C9orf85: variants seen among roughly 807,000 people sequenced by gnomAD.
C9orf85 encodes the protein chromosome 9 open reading frame 85.
Under a neutral mutation model 14.9 loss-of-function variants are expected in C9orf85, and 16 were observed. The ratio of observed to expected loss-of-function variants is 1.08; its 90% CI spans 0.73 to 1.63. The LOEUF (loss-of-function observed/expected upper bound fraction) is 1.63. Ranked by LOEUF, C9orf85 falls within the 40% of genes most tolerant of loss-of-function variation. The pLI is 0.00. For missense variants in C9orf85, 172 were observed against 186.1 expected, an observed-to-expected ratio of 0.92 and a Z score of 0.44; for synonymous variants, 45 against 56.8, an observed-to-expected ratio of 0.79 and a Z score of 0.93.
intron 2 of C9orf85, among the ~76,000 whole-genome samples, chr9:71,970,908 C>T (rs1361620338): frequency 6.6e-6 from 1 of 151,720 alleles, no homozygotes; most frequent in Admixed American, 6.6e-5. Flanking sequence ...GGCATGCCAC[C>T]ACACCCAGCT....
At chr9:71,923,362 G>A (rs529947319) in intron 1 of C9orf85, among the ~76,000 whole-genome samples, 1 of 152,090 alleles carries the variant, frequency 6.6e-6, no homozygotes, top group East Asian at 1.9e-4. Flanking sequence ...TCCGCCTCCT[G>A]GGTTCAAGTG....
chr9:71,940,787 C>T (rs917205038), intron 1 of C9orf85, among the ~76,000 whole-genome samples: 4 of 152,138 alleles, frequency 2.6e-5, no homozygotes, highest in Non-Finnish European at 4.4e-5. Flanking sequence ...TTTATTAGCA[C>T]TCCAAACTAG....
At chr9:71,971,445 A>G in intron 2 of C9orf85, 60 bp from the exon 3 acceptor site, 1 of 1,052,278 alleles carries the variant, frequency 9.5e-7, no homozygotes, top group Non-Finnish European at 1.4e-6. Context: ...GACACATCTT[A>G]TTTTATCAAA....
At position 71,911,782 on chromosome 9, in the gene C9orf85, C is replaced by A; in HGVS notation, c.48C>A (p.His16Gln). The change falls in exon 1 of 4, where the codon CAC (histidine) becomes CAA (glutamine). Residue 16 changes from histidine to glutamine, a missense_variant. His to Gln is a conservative substitution (Grantham distance 24, BLOSUM62 0). Transcript: ENST00000334731. ...GNVARSRPQK[H>Q]QNTFSFKNDK... ...TGGCTCGTTCCAGACCTCAGAAGCA[C>A]CAGAATACGTTTAGCTTCAAAAATG... 1 of 1,614,098 alleles carries A rather than the reference C, an allele frequency of 6.2e-7. No homozygotes were observed. The highest frequency in any genetic ancestry group is 8.5e-7 in the Non-Finnish European group (1 of 1,180,018).
intron 3 of C9orf85, among the ~76,000 whole-genome samples, chr9:71,971,847 G>T (rs138848634): frequency 6.6e-6 from 1 of 151,912 alleles, no homozygotes; most frequent in Non-Finnish European, 1.5e-5. Flanking sequence ...AGTGGCAGGC[G>T]CCTGTAATCC....
At position 71,954,939 on chromosome 9, in the gene C9orf85, C is replaced by G. The variant is rs1822345138; in HGVS notation, c.209+7827C>G. Among the ~76,000 whole-genome samples, 4 of 152,170 alleles carry G rather than the reference C, an allele frequency of 2.6e-5. No homozygotes were observed. The South Asian group carries it at 8.3e-4, about 32-fold the overall frequency. ...TAACCGTGTGCTTGCTCCCTCTTTG[C>G]TACAAAGCTTTCTTGTAACTAAATT... On this transcript the variant is annotated intron_variant, in intron 2 of 3. Coordinates refer to ENST00000334731, the MANE Select transcript of C9orf85 (RefSeq NM_182505.5).
chr9:71,949,927 C>G (rs1341190656), intron 2 of C9orf85, among the ~76,000 whole-genome samples: 2 of 152,112 alleles, frequency 1.3e-5, no homozygotes, highest in African/African-American at 4.8e-5. Context: ...AGGGGTGGAT[C>G]AGAGAGTCCT....
At chr9:71,954,114 G>GA (rs566793068) in intron 2 of C9orf85, among the ~76,000 whole-genome samples, 116,616 of 130,106 alleles carry the variant, frequency 0.9, 53,528 homozygotes, top group East Asian at 0.99. Context: ...CCCCAGCTTG[G>GA]AAAAAAAAAA....
chr9:71,964,207 T>G (rs1822617543), intron 2 of C9orf85, among the ~76,000 whole-genome samples: 1 of 152,050 alleles, frequency 6.6e-6, no homozygotes, highest in African/African-American at 2.4e-5. Context: ...TGTGTCTAGC[T>G]TAGGGATTGT....
chr9:71,984,826 G>A (rs978432615), downstream of C9orf85: 1 of 152,230 alleles, frequency 6.6e-6, no homozygotes, highest in Admixed American at 6.5e-5. Context: ...TTGTGTTATA[G>A]GAGAGATGTG....
intron 1 of C9orf85, among the ~76,000 whole-genome samples, chr9:71,938,924 T>C (rs920993957): frequency 6.6e-6 from 1 of 151,694 alleles, no homozygotes; most frequent in Non-Finnish European, 1.5e-5. Flanking sequence ...AAGACATGCT[T>C]TGAAAGTATA....
intron 1 of C9orf85, chr9:71,918,492 C>T: frequency 7.8e-7 from 1 of 1,283,740 alleles, no homozygotes; most frequent in Non-Finnish European, 1.0e-6. Context: ...TCCCCAGCCC[C>T]CGACCCCCGC....
chr9:71,949,077 C>A (rs1287906619), intron 2 of C9orf85, among the ~76,000 whole-genome samples: 1 of 152,152 alleles, frequency 6.6e-6, no homozygotes, highest in Admixed American at 6.5e-5. Flanking sequence ...AGGCCTCATA[C>A]AAGATTTGTA....
chr9:71,939,961 G>A (rs948978175), intron 1 of C9orf85, among the ~76,000 whole-genome samples: 2 of 152,122 alleles, frequency 1.3e-5, no homozygotes, highest in Non-Finnish European at 2.9e-5. Flanking sequence ...AATGTAAAAT[G>A]TAAAATTACT....
At chr9:71,927,068 C>T (rs1589248938) in intron 1 of C9orf85, among the ~76,000 whole-genome samples, 1 of 151,730 alleles carries the variant, frequency 6.6e-6, no homozygotes, top group East Asian at 1.9e-4. Flanking sequence ...AAATTGCTAC[C>T]CTCTTTCAGA....
intron 2 of C9orf85, among the ~76,000 whole-genome samples, chr9:71,949,930 A>G (rs554211695): frequency 7.2e-5 from 11 of 152,276 alleles, no homozygotes; most frequent in African/African-American, 1.7e-4. Flanking sequence ...GGTGGATCAG[A>G]GAGTCCTTCC....
rs1411406007 is a variant in C9orf85 at position 71,973,116 on chromosome 9, G to C, written c.*274G>C. The C allele has an allele frequency of 5.8e-6, 1 of 173,460 alleles. No individual in the cohort carries two copies. The highest frequency in any genetic ancestry group is 1.2e-5 in the Non-Finnish European group (1 of 81,726). The allele number at this position is 173,460 out of a possible 1,614,324, so 10.7% of individuals were successfully genotyped here. ...GCTGAGTTCGTGCCATTACACTCCA[G>C]CCTGGGTGACAGAGTGAGACTCTGT... On this transcript the variant is annotated 3_prime_UTR_variant, in exon 4 of 4. Transcript: ENST00000334731.
intron 1 of C9orf85, among the ~76,000 whole-genome samples, chr9:71,922,285 T>C (rs928123804): frequency 1.3e-5 from 2 of 152,108 alleles, no homozygotes; most frequent in Admixed American, 1.3e-4. Flanking sequence ...CATTATTACT[T>C]TTCCCTATTT....
In C9orf85 at chr9:71,972,874, T is replaced by C. The variant is rs773787171; in HGVS notation, c.*32T>C. On this transcript the variant is annotated 3_prime_UTR_variant, in exon 4 of 4. Coordinates refer to ENST00000334731, the MANE Select transcript of C9orf85 (RefSeq NM_182505.5). ...TGTATTAAAAGTCTGCCGGGCACAGTGGCTCACGCCTGTAATCCCAACACT... is the reference window on the plus strand; with the variant it reads ...TGTATTAAAAGTCTGCCGGGCACAGCGGCTCACGCCTGTAATCCCAACACT... 2.3e-5 allele frequency: 36 copies of C among 1,563,028 alleles called. No homozygotes were observed. The highest frequency in any genetic ancestry group is 3.0e-5 in the Non-Finnish European group (35 of 1,150,396).
Sources: allele counts gnomAD v4.1 joint callset (sites outside exome capture counted in the v4.1 genomes callset), GRCh38; gene constraint gnomAD v4.1.1; transcripts MANE v1.5; gene names NCBI Gene and HGNC (gene_info 2026-07-23, HGNC 2026-07-21).